IL1RAPL2: variants seen among roughly 807,000 people sequenced by gnomAD.
IL1RAPL2 encodes the protein X-linked interleukin-1 receptor accessory protein-like 2.
IL1RAPL2 carries 3 observed loss-of-function variants against 44.1 expected under a neutral mutation model. That is an observed-to-expected ratio of 0.07 (90% CI 0.03 to 0.18). The LOEUF (loss-of-function observed/expected upper bound fraction) is 0.18. Ranked by LOEUF, IL1RAPL2 falls within the 10% of genes least tolerant of loss-of-function variation. The pLI is 1.00. For missense variants in IL1RAPL2, 391 were observed against 496.4 expected (o/e 0.79, Z 2.02); for synonymous variants, 181 against 178.8 (o/e 1.01, Z -0.10).
chrX:104,718,673 A>G (rs1383060368), intron 2 of IL1RAPL2, among the ~76,000 whole-genome samples: 3 of 111,457 alleles, frequency 2.7e-5, no homozygotes, highest in Non-Finnish European at 5.7e-5. Context: ...TGAGTCAATT[A>G]AACCTCTTTT....
rs746323527 is a variant in IL1RAPL2, at chrX:104,859,779, T to C, written c.82+200784T>C. Among the ~76,000 whole-genome samples the C allele has an allele frequency of 1.1e-4, 12 of 112,352 alleles. No individual in the cohort carries two copies. In the South Asian group the frequency reaches 1.5e-3, roughly 14 times the overall value. Reference sequence around the variant, plus strand: ...TATTACTTGCCTGTTTGGCACAACATATGTAATATAGTTTAATGACTGTAA... The same window carrying C: ...TATTACTTGCCTGTTTGGCACAACACATGTAATATAGTTTAATGACTGTAA... On this transcript the variant is annotated intron_variant, in intron 2 of 10. Coordinates refer to ENST00000372582, the MANE Select transcript of IL1RAPL2 (RefSeq NM_017416.2).
At chrX:104,937,674 G>A (rs934036449) in intron 2 of IL1RAPL2, among the ~76,000 whole-genome samples, 4 of 112,073 alleles carry the variant, frequency 3.6e-5, no homozygotes, top group African/African-American at 1.3e-4. Context: ...GGCTGTTGCA[G>A]TCACAATAAG....
intron 2 of IL1RAPL2, among the ~76,000 whole-genome samples, chrX:105,071,252 A>C (rs1229299756): frequency 8.9e-6 from 1 of 111,913 alleles, no homozygotes; most frequent in Non-Finnish European, 1.9e-5. Context: ...AACTATCTGA[A>C]AAAGATAAAG....
At chrX:104,674,897 T>C (rs1284022216) in intron 2 of IL1RAPL2, among the ~76,000 whole-genome samples, 1 of 112,059 alleles carries the variant, frequency 8.9e-6, no homozygotes, top group East Asian at 2.8e-4. Flanking sequence ...GAGGTGTTTG[T>C]AGTATTCTCT....
intron 2 of IL1RAPL2, among the ~76,000 whole-genome samples, chrX:104,947,466 G>T (rs1925414778): frequency 9.8e-6 from 1 of 101,617 alleles, no homozygotes; most frequent in South Asian, 5.0e-4. Flanking sequence ...ATTGCTTTTG[G>T]TGTTTTGGAC....
At chrX:104,666,380 G>A (rs1217319026) in intron 2 of IL1RAPL2, among the ~76,000 whole-genome samples, 3 of 111,958 alleles carry the variant, frequency 2.7e-5, no homozygotes, top group Non-Finnish European at 5.6e-5. Flanking sequence ...TGGAAAGTCC[G>A]AAAACAATTC....
intron 10 of IL1RAPL2, among the ~76,000 whole-genome samples, chrX:105,756,784 T>TACA (rs1212062625): frequency 9.0e-6 from 1 of 111,653 alleles, no homozygotes; most frequent in African/African-American, 3.3e-5. Flanking sequence ...AATACTATTC[T>TACA]ACATTTGTTG....
intron 2 of IL1RAPL2, among the ~76,000 whole-genome samples, chrX:104,860,067 T>C (rs963570952): frequency 1.8e-5 from 2 of 112,222 alleles, no homozygotes. Flanking sequence ...ATCCATTTAA[T>C]GGAGAATGTT....
chrX:105,422,569 T>C (rs1197151960), intron 5 of IL1RAPL2, among the ~76,000 whole-genome samples: 2 of 111,944 alleles, frequency 1.8e-5, no homozygotes, highest in Non-Finnish European at 3.8e-5. Flanking sequence ...TACTGGAGAA[T>C]TCAGGTAGAG....
chrX:104,633,764 C>T (rs1488874617), intron 1 of IL1RAPL2, among the ~76,000 whole-genome samples: 3 of 110,856 alleles, frequency 2.7e-5, no homozygotes. Flanking sequence ...AGCGGTCTAT[C>T]AATTGTGTTG....
rs183046413 is a variant in IL1RAPL2, at chrX:105,480,776, G to A, written c.698-3537G>A. ...CAAGAAATGAGCTTGCCTCCCTGTGGCAGCATGCACTCTAGCTAATCTGCA... is the reference window on the plus strand; with the variant it reads ...CAAGAAATGAGCTTGCCTCCCTGTGACAGCATGCACTCTAGCTAATCTGCA... On this transcript the variant is annotated intron_variant, in intron 5 of 10. Transcript: ENST00000372582. Among the ~76,000 whole-genome samples the A allele has an allele frequency of 1.5e-4, 17 of 111,983 alleles. No homozygotes were observed. In the Admixed American group the frequency reaches 1.6e-3, roughly 11 times the overall value.
intron 5 of IL1RAPL2, among the ~76,000 whole-genome samples, chrX:105,369,951 A>T (rs1384485184): frequency 8.9e-6 from 1 of 111,962 alleles, no homozygotes; most frequent in Non-Finnish European, 1.9e-5. Context: ...TCTGTTTTAA[A>T]ATTTTCACTA....
intron 2 of IL1RAPL2, among the ~76,000 whole-genome samples, chrX:104,963,934 TGAGAGAGAGAGA>T (rs201418326): frequency 9.7e-6 from 1 of 102,675 alleles, no homozygotes; most frequent in African/African-American, 3.6e-5. Context: ...TGTGTGTGTG[TGAGAGAGAGAGA>T]GAGAGAGAGA....
At chrX:105,172,460 C>T (rs1330985332) in intron 2 of IL1RAPL2, among the ~76,000 whole-genome samples, 1 of 111,733 alleles carries the variant, frequency 8.9e-6, no homozygotes, top group East Asian at 2.8e-4. Context: ...GACTCCACTA[C>T]CAAGCTCATT....
intron 2 of IL1RAPL2, among the ~76,000 whole-genome samples, chrX:104,848,444 TATATATAA>T (rs1384707054): frequency 7.9e-5 from 6 of 76,314 alleles, no homozygotes; most frequent in African/African-American, 2.6e-4. Context: ...TATATATATA[TATATATAA>T]CTTAAACAAT....
intron 2 of IL1RAPL2, among the ~76,000 whole-genome samples, chrX:104,680,593 AG>A (rs35114736): frequency 3.6e-5 from 4 of 111,155 alleles, no homozygotes; most frequent in Non-Finnish European, 3.8e-5. Context: ...TGCAGATTAT[AG>A]GGGAACTACC....
At chrX:105,611,125 A>G (rs923731961) in intron 6 of IL1RAPL2, among the ~76,000 whole-genome samples, 1 of 112,066 alleles carries the variant, frequency 8.9e-6, no homozygotes, top group Non-Finnish European at 1.9e-5. Context: ...AAAAACAACT[A>G]AAAATTTGAA....
chrX:105,488,017 G>A (rs1050923957), intron 6 of IL1RAPL2, among the ~76,000 whole-genome samples: 8 of 112,104 alleles, frequency 7.1e-5, no homozygotes, highest in African/African-American at 2.6e-4. Context: ...CAAGAAATAC[G>A]AAAATCCAAT....
chrX:105,204,373 G>A (rs782077062), intron 3 of IL1RAPL2, among the ~76,000 whole-genome samples: 1 of 111,807 alleles, frequency 8.9e-6, no homozygotes, highest in African/African-American at 3.3e-5. Flanking sequence ...GCTATAAAGT[G>A]CTGCTTCTCC....
Sources: allele counts gnomAD v4.1 joint callset (sites outside exome capture counted in the v4.1 genomes callset), GRCh38; gene constraint gnomAD v4.1.1; transcripts MANE v1.5; gene names NCBI Gene and HGNC (gene_info 2026-07-23, HGNC 2026-07-21).